Variants in DOCK3 observed in about 807,000 individuals in gnomAD.
DOCK3 encodes the protein dedicator of cytokinesis protein 3.
In DOCK3, 60 loss-of-function variants were observed where a neutral mutation model predicts 265.6. The observed-to-expected ratio is 0.23, with a 90% CI of 0.18 to 0.28. The LOEUF (loss-of-function observed/expected upper bound fraction) is 0.28. Among genes scored for constraint, DOCK3 ranks in the 10% least tolerant of loss-of-function variants. The pLI, the probability that DOCK3 is intolerant of heterozygous loss-of-function variation, is 1.00. For missense variants in DOCK3, 1,981 were observed against 2,594.3 expected (o/e 0.76, Z 5.14); for synonymous variants, 881 against 938.0 (o/e 0.94, Z 1.11).
intron 1 of DOCK3, among the ~76,000 whole-genome samples, chr3:50,702,433 G>A (rs1483380231): frequency 2.0e-5 from 3 of 151,832 alleles, no homozygotes; most frequent in Non-Finnish European, 4.4e-5. Context: ...GCGCAATCTC[G>A]GCACACTGCA....
At chr3:50,863,330 T>C in intron 3 of DOCK3, 1 of 493,900 alleles carries the variant, frequency 2.0e-6, no homozygotes, top group South Asian at 1.5e-5. Flanking sequence ...CTGAGGGGAA[T>C]GCAGATAGCC....
At chr3:51,154,213 G>C (rs542746414) in intron 10 of DOCK3, among the ~76,000 whole-genome samples, 1 of 152,302 alleles carries the variant, frequency 6.6e-6, no homozygotes, top group Admixed American at 6.5e-5. Context: ...CTTTCACAGG[G>C]ATAGCTTTTA....
chr3:50,903,040 G>A (rs369987903), intron 4 of DOCK3, among the ~76,000 whole-genome samples: 104 of 152,304 alleles, frequency 6.8e-4, no homozygotes, highest in African/African-American at 2.5e-3. Context: ...AGACTTTGCC[G>A]ATGTGGCCTA....
chr3:51,078,430 A>C (rs911674384), intron 7 of DOCK3, among the ~76,000 whole-genome samples: 1 of 152,190 alleles, frequency 6.6e-6, no homozygotes, highest in Non-Finnish European at 1.5e-5. Flanking sequence ...TGAAGGAATC[A>C]TATTAAAAAC....
intron 9 of DOCK3, among the ~76,000 whole-genome samples, chr3:51,109,936 A>C (rs1207309261): frequency 6.6e-6 from 1 of 152,114 alleles, no homozygotes; most frequent in Non-Finnish European, 1.5e-5. Context: ...TGTCTCAAAA[A>C]AAAAAAATTC....
chr3:50,813,078 C>G (rs938245850), intron 2 of DOCK3, among the ~76,000 whole-genome samples: 4 of 152,198 alleles, frequency 2.6e-5, no homozygotes, highest in African/African-American at 4.8e-5. Context: ...AACTTCTACA[C>G]ATGTACACAT....
chr3:50,755,359 G>A (rs1197760002), intron 1 of DOCK3, among the ~76,000 whole-genome samples: 3 of 152,096 alleles, frequency 2.0e-5, no homozygotes, highest in East Asian at 3.8e-4. Flanking sequence ...ACCTTTTTCT[G>A]CTCCATGTAT....
At chr3:51,150,849 T>A (rs1403890665) in intron 10 of DOCK3, among the ~76,000 whole-genome samples, 1 of 152,124 alleles carries the variant, frequency 6.6e-6, no homozygotes, top group Non-Finnish European at 1.5e-5. Flanking sequence ...GATGTCTATT[T>A]GGTCCACTTG....
intron 14 of DOCK3, among the ~76,000 whole-genome samples, chr3:51,224,765 T>C (rs1443528749): frequency 6.6e-6 from 1 of 152,162 alleles, no homozygotes; most frequent in African/African-American, 2.4e-5. Flanking sequence ...AAGCCCTTCT[T>C]TAGTTCATGT....
intron 5 of DOCK3, among the ~76,000 whole-genome samples, chr3:51,007,587 G>A (rs1013932052): frequency 2.6e-5 from 4 of 152,062 alleles, no homozygotes; most frequent in African/African-American, 9.7e-5. Flanking sequence ...TCACTCTGAT[G>A]GTAGTTTCTT....
chr3:51,236,226 T>C (rs1037075736), intron 19 of DOCK3, 119 bp from the exon 20 acceptor site: 22 of 778,484 alleles, frequency 2.8e-5, no homozygotes, highest in Non-Finnish European at 4.4e-5. Flanking sequence ...TTTTAAGTGG[T>C]ATTTTGAGAT....
At chr3:51,044,322 C>T (rs1024015924) in intron 5 of DOCK3, among the ~76,000 whole-genome samples, 1 of 151,846 alleles carries the variant, frequency 6.6e-6, no homozygotes. Context: ...CAAACTAACA[C>T]AAAAAAACAG....
intron 1 of DOCK3, among the ~76,000 whole-genome samples, chr3:50,727,111 T>C (rs2037880403): frequency 6.6e-6 from 1 of 152,056 alleles, no homozygotes; most frequent in Non-Finnish European, 1.5e-5. Flanking sequence ...AGAAAACAAA[T>C]ATCAAGATTG....
intron 3 of DOCK3, among the ~76,000 whole-genome samples, chr3:50,881,582 A>T (rs1232169443): frequency 6.6e-6 from 1 of 152,208 alleles, no homozygotes; most frequent in Non-Finnish European, 1.5e-5. Context: ...CTCTTCAAGG[A>T]TAACTACAAA....
At chr3:51,335,234 AT>A (rs2084782256) in intron 35 of DOCK3, among the ~76,000 whole-genome samples, 2 of 151,726 alleles carry the variant, frequency 1.3e-5, no homozygotes, top group South Asian at 2.1e-4. Flanking sequence ...TTAAAATATA[AT>A]TTAAAAAAAA....
At chr3:51,278,753 G>A (rs1334299102) in intron 26 of DOCK3, among the ~76,000 whole-genome samples, 3 of 152,138 alleles carry the variant, frequency 2.0e-5, no homozygotes, top group Non-Finnish European at 4.4e-5. Context: ...TACTAAGGAA[G>A]TGATTCATTT....
At chr3:50,709,947 C>G (rs1192099086) in intron 1 of DOCK3, among the ~76,000 whole-genome samples, 1 of 152,102 alleles carries the variant, frequency 6.6e-6, no homozygotes, top group Non-Finnish European at 1.5e-5. Context: ...TGCCATAGTT[C>G]TAGATAGATG....
intron 13 of DOCK3, among the ~76,000 whole-genome samples, chr3:51,213,001 A>G (rs1367997344): frequency 2.0e-5 from 3 of 151,854 alleles, no homozygotes; most frequent in Non-Finnish European, 2.9e-5. Flanking sequence ...CTACTGACAT[A>G]CTTTTCTTGC....
intron 9 of DOCK3, among the ~76,000 whole-genome samples, chr3:51,125,806 G>A (rs2084242453): frequency 1.3e-5 from 2 of 152,110 alleles, no homozygotes; most frequent in South Asian, 4.1e-4. Flanking sequence ...GAACAAAAAT[G>A]TTCACGTTGT....
Sources: gnomAD v4.1 joint callset for allele counts (sites outside exome capture counted in the v4.1 genomes callset) on GRCh38, gnomAD v4.1.1 for gene constraint, MANE v1.5 for transcripts, NCBI Gene and HGNC (gene_info 2026-07-23, HGNC 2026-07-21) for gene names.